Variants in TTLL7 observed in about 807,000 individuals in gnomAD.
TTLL7 encodes the protein tubulin polyglutamylase TTLL7.
In TTLL7, 53 loss-of-function variants were observed where a neutral mutation model predicts 120.2. The ratio of observed to expected loss-of-function variants is 0.44; its 90% CI spans 0.35 to 0.55. TTLL7 has a LOEUF of 0.55. Ranked by LOEUF, TTLL7 falls within the 20% of genes least tolerant of loss-of-function variation. The probability of loss-of-function intolerance (pLI) is 0.00; values close to 1 mark genes in which losing one functional copy is unlikely to be tolerated. For missense variants in TTLL7, 803 were observed against 1,054.7 expected, an observed-to-expected ratio of 0.76 and a Z score of 3.31; for synonymous variants, 353 against 351.7, an observed-to-expected ratio of 1.00 and a Z score of -0.04.
At chr1:83,932,569 G>GCA (rs35245320) in intron 9 of TTLL7, among the ~76,000 whole-genome samples, 65,110 of 149,990 alleles carry the variant, frequency 0.43, 15,460 homozygotes, top group Non-Finnish European at 0.55. Flanking sequence ...ATAGGCGCGC[G>GCA]CACACACACA....
chr1:83,947,042 G>T, intron 6 of TTLL7, 82 bp downstream of exon 6: 1 of 1,127,334 alleles, frequency 8.9e-7, no homozygotes, highest in Non-Finnish European at 1.2e-6. Flanking sequence ...TGGTACTCAC[G>T]CATGAGTAAT....
At chr1:83,896,244 G>T (rs1270231727) in intron 18 of TTLL7, among the ~76,000 whole-genome samples, 2 of 151,992 alleles carry the variant, frequency 1.3e-5, no homozygotes, top group African/African-American at 4.8e-5. Flanking sequence ...CTTACATTAT[G>T]ACTTTTAAAA....
chr1:83,986,282 GATTT>G (rs1191419022), intron 1 of TTLL7, among the ~76,000 whole-genome samples: 2 of 152,146 alleles, frequency 1.3e-5, no homozygotes, highest in Non-Finnish European at 2.9e-5. Flanking sequence ...GACAAAGTGA[GATTT>G]ATTTCATGTA....
intron 1 of TTLL7, among the ~76,000 whole-genome samples, chr1:83,962,635 A>G (rs530396100): frequency 9.2e-5 from 14 of 152,280 alleles, no homozygotes; most frequent in African/African-American, 3.1e-4. Context: ...CCTACTAAGT[A>G]ACTACATTTC....
chr1:83,990,996 C>T (rs762322570), intron 1 of TTLL7, among the ~76,000 whole-genome samples: 9 of 152,228 alleles, frequency 5.9e-5, no homozygotes, highest in Non-Finnish European at 8.8e-5. Flanking sequence ...ATACTTATAA[C>T]GGAATAGTAT....
chr1:83,998,897 G>T (rs1426243482), intron 1 of TTLL7, 34 bp downstream of exon 1: 1 of 368,786 alleles, frequency 2.7e-6, no homozygotes, highest in Non-Finnish European at 5.5e-6. Flanking sequence ...ACATGGAAGG[G>T]GGTCGGGGGA....
At chr1:83,921,221 TG>T in intron 11 of TTLL7, 25 bp downstream of exon 11, 1 of 1,610,516 alleles carries the variant, frequency 6.2e-7, no homozygotes, top group South Asian at 1.1e-5. Context: ...ATTTAAATTG[TG>T]GGTACTTTCT....
In TTLL7 at chr1:83,949,649, C is replaced by T. The variant is rs996513545; in HGVS notation, c.279+216G>A. On this transcript the variant is annotated intron_variant, in intron 4 of 20. Transcript: ENST00000260505. ...CCAGAAGAGGTTTTTTCTATTGATT[C>T]TTCCCTAAAGATAGAAAGAGGTTAA... 2.7e-5 allele frequency: 13 copies of T among 488,226 alleles called. No homozygotes were observed. The African/African-American group carries it at 2.7e-4, about 10-fold the overall frequency. 30.2% of individuals were successfully genotyped at this position (488,226 alleles called of 1,614,324 possible).
rs1324314841 is a variant in TTLL7 at position 83,881,509 on chromosome 1, A to G, written c.2543+1454T>C. Among the ~76,000 whole-genome samples the G allele has an allele frequency of 7.9e-5, 12 of 152,336 alleles. No individual in the cohort carries two copies. The East Asian group carries it at 1.5e-3, about 20-fold the overall frequency. ...AAAATGCTCACCATCACTGGCCATC[A>G]GAGAAATACAAATCAAAACCACAAT... On this transcript the variant is annotated intron_variant, in intron 20 of 20. Coordinates refer to ENST00000260505, the MANE Select transcript of TTLL7 (RefSeq NM_024686.6).
chr1:83,974,981 C>T (rs1183346112), intron 1 of TTLL7, among the ~76,000 whole-genome samples: 1 of 152,016 alleles, frequency 6.6e-6, no homozygotes, highest in Non-Finnish European at 1.5e-5. Context: ...AGTGCTCTCT[C>T]TTTTTATCTC....
rs1479850897 is a variant in TTLL7 at position 83,906,309 on chromosome 1, T to C, written c.2127+20A>G. ...AAAAGGTACCAGCTCCTTGGCATTT[T>C]AGATACATCACATACTCACATCTTC... On this transcript the variant is annotated intron_variant, in intron 17 of 20. Coordinates refer to ENST00000260505, the MANE Select transcript of TTLL7 (RefSeq NM_024686.6). 6.3e-7 allele frequency: 1 copy of C among 1,598,762 alleles called. No individual in the cohort carries two copies. The highest frequency in any genetic ancestry group is 8.5e-7 in the Non-Finnish European group (1 of 1,173,018).
Position 83,933,630 on chromosome 1 carries a change from T to C in TTLL7, c.1025A>G (p.Lys342Arg). ...VLGFDILLDRKLKPWLLEINR... is the reference protein window; with the variant it reads ...VLGFDILLDRRLKPWLLEINR... Reference sequence around the variant, plus strand: ...TACCTCCAGAAGCCATGGCTTTAGTTTTCTATCCAACAAAATATCAAATCC... The same window carrying C: ...TACCTCCAGAAGCCATGGCTTTAGTCTTCTATCCAACAAAATATCAAATCC... Residue 342 changes from lysine to arginine, a missense_variant, in exon 9 of 21, where the codon AAA becomes AGA. Transcript: ENST00000260505. 5 of 1,613,372 alleles carry C rather than the reference T, an allele frequency of 3.1e-6. No homozygotes were observed. In the South Asian group the frequency reaches 4.4e-5, roughly 14 times the overall value.
chr1:83,958,060 G>A (rs1649680463), intron 1 of TTLL7, among the ~76,000 whole-genome samples: 4 of 152,122 alleles, frequency 2.6e-5, no homozygotes, highest in African/African-American at 9.7e-5. Flanking sequence ...TGATAATGAG[G>A]AAGAGCAAGA....
chr1:83,969,473 C>T (rs1346179536), intron 1 of TTLL7, among the ~76,000 whole-genome samples: 2 of 151,878 alleles, frequency 1.3e-5, no homozygotes, highest in Non-Finnish European at 2.9e-5. Flanking sequence ...TTACTCAAGT[C>T]AAACTCAAAG....
intron 18 of TTLL7, among the ~76,000 whole-genome samples, chr1:83,892,161 A>C (rs1655535447): frequency 6.6e-6 from 1 of 150,848 alleles, no homozygotes; most frequent in Non-Finnish European, 1.5e-5. Context: ...AAAAACAATT[A>C]AGTTTTAAAA....
intron 8 of TTLL7, among the ~76,000 whole-genome samples, chr1:83,937,454 C>A (rs577325798): frequency 2.0e-5 from 3 of 152,258 alleles, no homozygotes; most frequent in African/African-American, 7.2e-5. Flanking sequence ...CCACCTGCCT[C>A]AGCCTCCCAA....
At chr1:83,887,237 G>A in intron 19 of TTLL7, 4 of 1,217,234 alleles carry the variant, frequency 3.3e-6, no homozygotes, top group Non-Finnish European at 4.2e-6. Context: ...TGGATTCTTG[G>A]ATATAATCAA....
chr1:83,904,002 G>C, intron 18 of TTLL7, 77 bp downstream of exon 18: 1 of 1,066,234 alleles, frequency 9.4e-7, no homozygotes, highest in Non-Finnish European at 1.4e-6. Context: ...TATACAGTCT[G>C]TCTATGAATT....
At chr1:83,924,147 ACCCT>A (rs1658914322) in intron 10 of TTLL7, among the ~76,000 whole-genome samples, 1 of 152,248 alleles carries the variant, frequency 6.6e-6, no homozygotes, top group African/African-American at 2.4e-5. Flanking sequence ...CAGGGCCATT[ACCCT>A]CGAGGAGCTG....
Sources: gnomAD v4.1 joint callset for allele counts (sites outside exome capture counted in the v4.1 genomes callset) on GRCh38, gnomAD v4.1.1 for gene constraint, MANE v1.5 for transcripts, NCBI Gene and HGNC (gene_info 2026-07-23, HGNC 2026-07-21) for gene names.